The following PAK6 variants were observed in gnomAD, a reference collection of about 807,000 sequenced individuals.
PAK6 encodes the protein serine/threonine-protein kinase PAK 6.
Under a neutral mutation model 60.8 loss-of-function variants are expected in PAK6, and 33 were observed. That is an observed-to-expected ratio of 0.54 (90% CI 0.41 to 0.73). The LOEUF is 0.73. Among genes scored for constraint, PAK6 ranks in the 30% least tolerant of loss-of-function variants. PAK6 has a pLI of 0.00. For synonymous variants in PAK6, 404 were observed against 378.5 expected (o/e 1.07, Z -0.78); for missense variants, 845 against 904.1 (o/e 0.93, Z 0.84).
exon 6 of PAK6, chr15:40,272,268 C>T (rs1396476338): frequency 1.2e-6 from 2 of 1,613,712 alleles, no homozygotes; most frequent in Non-Finnish European, 1.7e-6. Context: ...ACCCCCCAAG[C>T]CTGGTGGCCA....
At chr15:40,243,368 C>T (rs79801870) in intron 2 of PAK6, among the ~76,000 whole-genome samples, 3,996 of 152,190 alleles carry the variant, frequency 0.026, 287 homozygotes, top group East Asian at 0.23. Context: ...CCTGGTGACT[C>T]GGGCAAGTTA....
intron 9 of PAK6, 84 bp downstream of exon 9, chr15:40,273,760 C>A: frequency 6.6e-7 from 1 of 1,508,404 alleles, no homozygotes; most frequent in South Asian, 1.2e-5. Context: ...CCAGTGAGCT[C>A]ACCAAAAGCA....
chr15:40,274,033 C>A, intron 9 of PAK6, 109 bp from the exon 10 acceptor site: 1 of 1,333,364 alleles, frequency 7.5e-7, no homozygotes, highest in Non-Finnish European at 1.1e-6. Context: ...ACAGACCCAC[C>A]AAGGAGAGCT....
At chr15:40,252,631 G>A in intron 2 of PAK6, 1 of 1,336,554 alleles carries the variant, frequency 7.5e-7, no homozygotes. Flanking sequence ...GGTCCCTCCC[G>A]CGGAGGGCGG....
At chr15:40,266,179 G>T (rs191280501) in exon 5 of PAK6, 2 of 1,609,034 alleles carry the variant, frequency 1.2e-6, no homozygotes, top group Admixed American at 3.3e-5. Context: ...CAGTCCCTGG[G>T]CCCCGCCGAG....
Position 40,265,429 on chromosome 15 carries a change from G to T in PAK6, c.205-413G>T, listed in dbSNP as rs377102967. ...GGGGCCCTATCAGGGTTTGGAGGCT[G>T]CGAAGCCAGTGTGTGTGGAGGAGCC... On this transcript the variant is annotated intron_variant, in intron 4 of 10. Transcript: ENST00000560346. 8.5e-5 allele frequency among the ~76,000 whole-genome samples: 13 copies of T among 152,334 alleles called. No individual in the cohort carries two copies. The East Asian group carries it at 1.7e-3, about 20-fold the overall frequency.
At chr15:40,274,385 G>C in intron 10 of PAK6, 109 bp downstream of exon 10, 1 of 1,228,406 alleles carries the variant, frequency 8.1e-7, no homozygotes, top group Non-Finnish European at 1.1e-6. Flanking sequence ...ACAGGGTCTG[G>C]GCTCCTGGAA....
In PAK6 at chr15:40,265,829, C is replaced by T. The variant is rs1204965397; in HGVS notation, c.205-13C>T. On this transcript the variant is annotated splice_polypyrimidine_tract_variant and intron_variant, in intron 4 of 10. Coordinates refer to ENST00000560346, the Ensembl canonical transcript of PAK6. ...GGGCAGCTCCCACACACTCTTTTCT[C>T]TTCCCCCTACAGACAGTGGTGCGGG... The T allele has an allele frequency of 6.6e-7, 1 of 1,506,828 alleles. No individual in the cohort carries two copies. Among genetic ancestry groups the T allele is most frequent in the Admixed American group, 2.3e-5 (1 of 44,284 alleles). The allele number at this position is 1,506,828 out of a possible 1,614,324, so 93.3% of individuals were successfully genotyped here. A position where few individuals can be genotyped will look rare whatever the true frequency, so the allele number is the denominator to read the frequency against.
chr15:40,253,079 G>A (rs1388894801), intron 2 of PAK6, 99 bp from the exon 3 acceptor site: 1 of 398,222 alleles, frequency 2.5e-6, no homozygotes, highest in East Asian at 7.5e-5. Context: ...GGAGGCGGGC[G>A]CGGAGCGGTT....
exon 11 of PAK6, chr15:40,276,819 G>A (rs1197360818): frequency 2.1e-5 from 3 of 143,964 alleles, no homozygotes; most frequent in Non-Finnish European, 4.5e-5. Flanking sequence ...TGACAGCCCA[G>A]GTCCCTCCAG....
exon 11 of PAK6, chr15:40,276,211 T>C: frequency 1.9e-6 from 2 of 1,038,012 alleles, no homozygotes; most frequent in Non-Finnish European, 2.9e-6. Context: ...GATTGAAATG[T>C]GAAGCCCCAG....
intron 2 of PAK6, among the ~76,000 whole-genome samples, chr15:40,250,226 A>G (rs1315559632): frequency 6.6e-6 from 1 of 152,208 alleles, no homozygotes; most frequent in African/African-American, 2.4e-5. Context: ...ACAGGAATTA[A>G]TCACTCAGGA....
intron 10 of PAK6, among the ~76,000 whole-genome samples, chr15:40,275,470 G>A (rs1292083935): frequency 6.6e-6 from 1 of 151,746 alleles, no homozygotes; most frequent in African/African-American, 2.4e-5. Flanking sequence ...ATTTTTAGTA[G>A]AGACAGGGTT....
chr15:40,258,635 G>A (rs2038901550), intron 3 of PAK6: 1 of 152,248 alleles, frequency 6.6e-6, no homozygotes, highest in African/African-American at 2.4e-5. Flanking sequence ...TCCTTGAACT[G>A]TCCACCAGCT....
chr15:40,276,782 G>GTGTGTGTGTGTGTGTC, exon 11 of PAK6: 1 of 150,212 alleles, frequency 6.7e-6, no homozygotes, highest in East Asian at 2.1e-4. Context: ...GTGTGTGTGT[G>GTGTGTGTGTGTGTGTC]TGTGTGTAAG....
intron 3 of PAK6, among the ~76,000 whole-genome samples, chr15:40,260,886 A>T (rs1403726059): frequency 1.6e-5 from 2 of 128,528 alleles, no homozygotes; most frequent in Non-Finnish European, 3.3e-5. Flanking sequence ...ATATCTTTTT[A>T]AAAATTTCAT....
chr15:40,242,278 T>C (rs1335998456), intron 2 of PAK6, among the ~76,000 whole-genome samples: 1 of 152,122 alleles, frequency 6.6e-6, no homozygotes, highest in Non-Finnish European at 1.5e-5. Context: ...CACTGAAAGA[T>C]TGAATTCCTC....
chr15:40,246,434 G>A (rs898755248), intron 2 of PAK6: 1 of 152,202 alleles, frequency 6.6e-6, no homozygotes, highest in Non-Finnish European at 1.5e-5. Context: ...TCTTGCTGAT[G>A]ATGTGTCTGG....
intron 3 of PAK6, among the ~76,000 whole-genome samples, chr15:40,257,388 G>A (rs140696701): frequency 2.4e-4 from 37 of 152,364 alleles, no homozygotes; most frequent in African/African-American, 8.9e-4. Context: ...GGTGGGCTGT[G>A]TCCTTTCCTT....
Sources: allele counts gnomAD v4.1 joint callset (sites outside exome capture counted in the v4.1 genomes callset), GRCh38; gene constraint gnomAD v4.1.1; transcripts MANE v1.5; gene names NCBI Gene and HGNC (gene_info 2026-07-23, HGNC 2026-07-21).